The following FLNB variants were observed in gnomAD, a reference collection of about 807,000 sequenced individuals.
FLNB encodes filamin B.
FLNB carries 111 observed loss-of-function variants against 250.6 expected under a neutral mutation model. The observed-to-expected ratio is 0.44, with a 90% confidence interval of 0.38 to 0.52. FLNB has a LOEUF of 0.52. Ranked by LOEUF, FLNB falls within the 20% of genes least tolerant of loss-of-function variation. The pLI, the probability that FLNB is intolerant of heterozygous loss-of-function variation, is 0.00. For missense variants in FLNB, 2,869 were observed against 3,447.8 expected (o/e 0.83, Z 4.20); for synonymous variants, 1,302 against 1,372.1 (o/e 0.95, Z 1.13).
chr3:58,048,447 GT>G, intron 1 of FLNB, among the ~76,000 whole-genome samples: 1 of 152,284 alleles, frequency 6.6e-6, no homozygotes, highest in South Asian at 2.1e-4. Flanking sequence ...TTCTAGGTCT[GT>G]CTGTTTCCTT....
At chr3:58,067,722 G>A (rs1294928434) in intron 1 of FLNB, among the ~76,000 whole-genome samples, 1 of 151,572 alleles carries the variant, frequency 6.6e-6, no homozygotes, top group Non-Finnish European at 1.5e-5. Flanking sequence ...TCAGCCTCCT[G>A]AGTAGCTGGG....
intron 1 of FLNB, among the ~76,000 whole-genome samples, chr3:58,056,024 C>G (rs1332169561): frequency 6.6e-6 from 1 of 151,572 alleles, no homozygotes; most frequent in Non-Finnish European, 1.5e-5. Context: ...GCTAATACAC[C>G]TGTGTTTTAT....
At chr3:58,168,035 G>T (rs1182597628) in intron 43 of FLNB, among the ~76,000 whole-genome samples, 1 of 152,198 alleles carries the variant, frequency 6.6e-6, no homozygotes, top group Non-Finnish European at 1.5e-5. Flanking sequence ...TCTACCCGGA[G>T]AAGAAAGGAC....
intron 27 of FLNB, among the ~76,000 whole-genome samples, chr3:58,135,440 A>C (rs1575443817): frequency 2.6e-5 from 4 of 152,318 alleles, no homozygotes; most frequent in African/African-American, 7.2e-5. Context: ...ATGGCAGGCC[A>C]GAAGGAGGAA....
At chr3:58,078,209 G>C in intron 2 of FLNB, 1 of 1,222,022 alleles carries the variant, frequency 8.2e-7, no homozygotes, top group Non-Finnish European at 1.0e-6. Context: ...TTCCATTTAA[G>C]GACACATTTT....
At chr3:58,111,312 G>C (rs547139880) in intron 16 of FLNB, among the ~76,000 whole-genome samples, 1 of 152,102 alleles carries the variant, frequency 6.6e-6, no homozygotes, top group Non-Finnish European at 1.5e-5. Flanking sequence ...TAAAGGTAGT[G>C]GTCTTGACAT....
intron 1 of FLNB, among the ~76,000 whole-genome samples, chr3:58,041,108 C>G (rs2097145436): frequency 1.3e-5 from 2 of 152,124 alleles, no homozygotes; most frequent in South Asian, 4.1e-4. Flanking sequence ...CATTTACGGT[C>G]ACCTAGCTGG....
intron 32 of FLNB, 98 bp downstream of exon 32, chr3:58,143,711 G>C (rs2097331135): frequency 6.8e-7 from 1 of 1,480,304 alleles, no homozygotes; most frequent in African/African-American, 1.4e-5. Flanking sequence ...GCAGCTCTCG[G>C]CAGCAGGCTG....
intron 38 of FLNB, among the ~76,000 whole-genome samples, chr3:58,151,562 C>A (rs1357601346): frequency 6.6e-6 from 1 of 152,180 alleles, no homozygotes; most frequent in Non-Finnish European, 1.5e-5. Context: ...CGTCTGCTCA[C>A]TTTCCAGTCA....
At chr3:58,121,595 G>T in intron 20 of FLNB, 92 bp downstream of exon 20, 1 of 1,546,068 alleles carries the variant, frequency 6.5e-7, no homozygotes. Flanking sequence ...AAGACCTTCT[G>T]AAAATCGTTT....
In FLNB at chr3:58,170,658, T is replaced by C. The variant is rs1465983443; in HGVS notation, c.7705T>C (p.Tyr2569His). The change falls in exon 46 of 46, where the codon TAC becomes CAC. Residue 2569 changes from tyrosine to histidine, a missense_variant. Around this residue, in one of 5 missense-constraint regions of FLNB, gnomAD observed 1,084 missense variants for 1,315.5 expected, o/e 0.82. Transcript: ENST00000295956. ...VSMKHVGNQQYNVTYVVKERG... is the reference protein window; with the variant it reads ...VSMKHVGNQQHNVTYVVKERG... The stretch of plus-strand genomic sequence containing the variant: ...CATGAAGCATGTAGGCAACCAGCAA[T>C]ACAACGTCACATACGTCGTCAAGGA... The C allele has an allele frequency of 6.2e-7, 1 of 1,613,964 alleles. No individual in the cohort carries two copies. Among genetic ancestry groups the C allele is most frequent in the Non-Finnish European group, 8.5e-7 (1 of 1,180,020 alleles).
chr3:58,067,867 G>T, intron 1 of FLNB, among the ~76,000 whole-genome samples: 1 of 152,042 alleles, frequency 6.6e-6, no homozygotes, highest in East Asian at 1.9e-4. Context: ...GAGCCACCAC[G>T]CCTGGCCAGA....
At chr3:58,095,948 C>T (rs1335904486) in intron 5 of FLNB, among the ~76,000 whole-genome samples, 193 bp from the exon 6 acceptor site, 2 of 152,194 alleles carry the variant, frequency 1.3e-5, no homozygotes, top group African/African-American at 4.8e-5. Flanking sequence ...CTCTGTTATG[C>T]CTCTGTGCTG....
At chr3:58,077,605 C>G (rs947017658) in intron 2 of FLNB, among the ~76,000 whole-genome samples, 3 of 152,212 alleles carry the variant, frequency 2.0e-5, no homozygotes, top group Non-Finnish European at 4.4e-5. Context: ...TGTGTCTTCC[C>G]ACATTGGTGC....
chr3:58,027,626 G>A (rs2097125319), intron 1 of FLNB, among the ~76,000 whole-genome samples: 2 of 152,142 alleles, frequency 1.3e-5, no homozygotes, highest in South Asian at 4.1e-4. Context: ...CCATCACTGG[G>A]GCCCTCGCCT....
intron 1 of FLNB, among the ~76,000 whole-genome samples, chr3:58,067,608 T>C (rs992929903): frequency 2.0e-5 from 3 of 151,514 alleles, no homozygotes; most frequent in Admixed American, 1.3e-4. Flanking sequence ...TTTTTTGTTT[T>C]TTTTTTGGGA....
intron 1 of FLNB, among the ~76,000 whole-genome samples, chr3:58,054,864 G>A (rs888742195): frequency 6.6e-6 from 1 of 152,124 alleles, no homozygotes; most frequent in Non-Finnish European, 1.5e-5. Flanking sequence ...AAGTTTTATT[G>A]GAACATAGGC....
At position 58,139,526 on chromosome 3, in the gene FLNB, A is replaced by G. The variant is rs2097322757; in HGVS notation, c.5109+997A>G. Among the ~76,000 whole-genome samples, 4 of 152,066 alleles carry G rather than the reference A, an allele frequency of 2.6e-5. No homozygotes were observed. In the South Asian group the frequency reaches 6.2e-4, roughly 24 times the overall value. On this transcript the variant is annotated intron_variant, in intron 29 of 45. Coordinates refer to ENST00000295956, the MANE Select transcript of FLNB (RefSeq NM_001457.4). ...AGGGACTTTCTTCCGAACAGTCTAT[A>G]CTCTGTTGTAGTATTATTCCCTTCC...
chr3:58,028,964 C>T (rs901894174), intron 1 of FLNB, among the ~76,000 whole-genome samples: 2 of 152,000 alleles, frequency 1.3e-5, no homozygotes, highest in Admixed American at 1.3e-4. Flanking sequence ...TGCCTGTAAT[C>T]CTAGCTACTT....
Sources: gnomAD v4.1 joint callset for allele counts (sites outside exome capture counted in the v4.1 genomes callset) on GRCh38, gnomAD v4.1.1 for gene constraint, gnomAD v4.1.1 regional missense constraint, MANE v1.5 for transcripts, NCBI Gene and HGNC (gene_info 2026-07-23, HGNC 2026-07-21) for gene names.